RBFOX1: variants seen among roughly 807,000 people sequenced by gnomAD.
RBFOX1 encodes the protein RNA binding protein fox-1 homolog 1.
Under a neutral mutation model 57.7 loss-of-function variants are expected in RBFOX1, and 8 were observed. The observed-to-expected ratio is 0.14, with a 90% CI of 0.08 to 0.25. The LOEUF (loss-of-function observed/expected upper bound fraction) is 0.25. RBFOX1 is among the 10% of genes least tolerant of loss of function. The pLI, the probability that RBFOX1 is intolerant of heterozygous loss-of-function variation, is 1.00. For missense variants in RBFOX1, 611 were observed against 548.5 expected (o/e 1.11, Z -1.14); for synonymous variants, 326 against 222.4 (o/e 1.47, Z -4.15).
chr16:6,003,572 C>T (rs181974515), intron 4 of RBFOX1, among the ~76,000 whole-genome samples: 89 of 149,978 alleles, frequency 5.9e-4, no homozygotes, highest in African/African-American at 2.0e-3. Flanking sequence ...ACCTTTGTAG[C>T]TAGTGCCTTT....
chr16:5,607,840 C>G (rs1440349660), intron 3 of RBFOX1, among the ~76,000 whole-genome samples: 1 of 152,180 alleles, frequency 6.6e-6, no homozygotes, highest in Non-Finnish European at 1.5e-5. Flanking sequence ...AGGAGAATCA[C>G]CTATGCTACT....
chr16:6,998,230 C>G (rs1596466075), intron 3 of RBFOX1, among the ~76,000 whole-genome samples: 1 of 152,082 alleles, frequency 6.6e-6, no homozygotes, highest in Non-Finnish European at 1.5e-5. Context: ...TTTATATATT[C>G]AAATATTTGT....
chr16:6,202,531 T>A (rs1252948657), intron 1 of RBFOX1, among the ~76,000 whole-genome samples: 1 of 152,158 alleles, frequency 6.6e-6, no homozygotes, highest in Non-Finnish European at 1.5e-5. Context: ...CCTCTAGAGT[T>A]TTCTTATGGA....
chr16:7,381,999 C>T (rs58805647), intron 4 of RBFOX1, among the ~76,000 whole-genome samples: 5 of 152,182 alleles, frequency 3.3e-5, no homozygotes, highest in African/African-American at 1.2e-4. Flanking sequence ...CCTGCTTTTA[C>T]GCGATTGGAT....
intron 1 of RBFOX1, among the ~76,000 whole-genome samples, chr16:6,314,059 G>T (rs183015788): frequency 6.6e-6 from 1 of 152,262 alleles, no homozygotes; most frequent in Non-Finnish European, 1.5e-5. Context: ...CAGATGTAAA[G>T]GTGTGGGTTT....
At chr16:5,583,925 C>A (rs1196232429) in intron 2 of RBFOX1, among the ~76,000 whole-genome samples, 1 of 152,302 alleles carries the variant, frequency 6.6e-6, no homozygotes, top group South Asian at 2.1e-4. Flanking sequence ...TGCCATCTTC[C>A]TTTGGAGGGA....
chr16:7,422,058 G>A (rs957095642), intron 4 of RBFOX1, among the ~76,000 whole-genome samples: 8 of 152,316 alleles, frequency 5.3e-5, no homozygotes, highest in African/African-American at 1.7e-4. Context: ...TGCTGTAGGA[G>A]ATGAAGCTGG....
At chr16:7,449,575 C>T (rs990186844) in intron 4 of RBFOX1, among the ~76,000 whole-genome samples, 1 of 152,074 alleles carries the variant, frequency 6.6e-6, no homozygotes, top group Admixed American at 6.6e-5. Flanking sequence ...AGGACCATCT[C>T]TTTAACCTCG....
intron 2 of RBFOX1, among the ~76,000 whole-genome samples, chr16:6,601,333 A>T (rs986867471): frequency 1.3e-5 from 2 of 152,158 alleles, no homozygotes; most frequent in African/African-American, 4.8e-5. Flanking sequence ...ATGAACTTTC[A>T]TTAGAGTTTC....
intron 4 of RBFOX1, among the ~76,000 whole-genome samples, chr16:7,185,306 T>C (rs975941218): frequency 1.3e-5 from 2 of 152,192 alleles, no homozygotes; most frequent in African/African-American, 4.8e-5. Context: ...ATGATTCTAC[T>C]GTACCCTGGA....
chr16:5,679,108 A>C (rs2050253232), intron 3 of RBFOX1, among the ~76,000 whole-genome samples: 1 of 152,186 alleles, frequency 6.6e-6, no homozygotes, highest in Non-Finnish European at 1.5e-5. Flanking sequence ...GTTGCAATAC[A>C]TAGCTGTTCA....
At chr16:6,957,116 T>TTTTATTTTTATTTATTTATTTA (rs2082021467) in intron 3 of RBFOX1, among the ~76,000 whole-genome samples, 3 of 139,244 alleles carry the variant, frequency 2.2e-5, no homozygotes, top group Non-Finnish European at 3.1e-5. Flanking sequence ...TTATTTTTAT[T>TTTTATTTTTATTTATTTATTTA]TTTATTTATT....
At chr16:6,905,124 T>G (rs796398271) in intron 3 of RBFOX1, among the ~76,000 whole-genome samples, 1 of 152,190 alleles carries the variant, frequency 6.6e-6, no homozygotes, top group Non-Finnish European at 1.5e-5. Context: ...AAAGACTGTT[T>G]TGCAGCATTA....
At chr16:6,311,295 C>CAAAAAA (rs71145210) in intron 1 of RBFOX1, among the ~76,000 whole-genome samples, 4 of 91,228 alleles carry the variant, frequency 4.4e-5, no homozygotes, top group African/African-American at 4.7e-5. Flanking sequence ...GACTCTGTCT[C>CAAAAAA]AAAAAAAAAA....
At chr16:6,041,169 T>G (rs1156926914) in intron 1 of RBFOX1, among the ~76,000 whole-genome samples, 2 of 152,166 alleles carry the variant, frequency 1.3e-5, no homozygotes, top group Non-Finnish European at 2.9e-5. Context: ...CTGTTTTGCC[T>G]TTTCCAGAAT....
At chr16:7,402,811 C>G (rs1217040685) in intron 4 of RBFOX1, among the ~76,000 whole-genome samples, 4 of 152,098 alleles carry the variant, frequency 2.6e-5, no homozygotes, top group African/African-American at 9.7e-5. Flanking sequence ...TAGCTTAACT[C>G]TAGAAAGAGT....
chr16:5,815,387 G>A (rs1390878480), intron 3 of RBFOX1, among the ~76,000 whole-genome samples: 1 of 152,078 alleles, frequency 6.6e-6, no homozygotes, highest in African/African-American at 2.4e-5. Flanking sequence ...GTGGTCAGTA[G>A]CTGGCCAGGG....
intron 4 of RBFOX1, among the ~76,000 whole-genome samples, chr16:5,978,082 G>C (rs1165545056): frequency 7.9e-6 from 1 of 127,264 alleles, no homozygotes; most frequent in South Asian, 2.6e-4. Flanking sequence ...TGCAGGGCAG[G>C]AGTTTAAGAC....
At chr16:7,699,853 A>C (rs1220215888) in intron 14 of RBFOX1, among the ~76,000 whole-genome samples, 1 of 152,212 alleles carries the variant, frequency 6.6e-6, no homozygotes, top group Non-Finnish European at 1.5e-5. Context: ...CATTTGGCTC[A>C]AATGAATATT....
Sources: allele counts gnomAD v4.1 joint callset (sites outside exome capture counted in the v4.1 genomes callset), GRCh38; gene constraint gnomAD v4.1.1; transcripts MANE v1.5; gene names NCBI Gene and HGNC (gene_info 2026-07-23, HGNC 2026-07-21).